AGAP3: variants seen among roughly 807,000 people sequenced by gnomAD.
The protein encoded by AGAP3 is arf-GAP with GTPase, ANK repeat and PH domain-containing protein 3.
A neutral mutation model predicts 96.9 loss-of-function variants in AGAP3; 24 were observed. The ratio of observed to expected loss-of-function variants is 0.25; its 90% CI spans 0.18 to 0.35. AGAP3 has a LOEUF of 0.35. Ranked by LOEUF, AGAP3 falls within the 10% of genes least tolerant of loss-of-function variation. The pLI is 1.00. For synonymous variants in AGAP3, 563 were observed against 536.1 expected, an observed-to-expected ratio of 1.05 and a Z score of -0.69; for missense variants, 876 against 1,254.2, an observed-to-expected ratio of 0.70 and a Z score of 4.55.
rs934197448 is a variant in AGAP3 at position 151,133,345 on chromosome 7, A to T, written c.1327-1055A>T. On this transcript the variant is annotated intron_variant, in intron 10 of 17. Coordinates refer to ENST00000397238, the MANE Select transcript of AGAP3 (RefSeq NM_031946.7). This position sits in a 1 kb window ranked among gnomAD's most constrained non-coding sequence, Gnocchi z 5.4. ...CAGTGTCTGATACTAAACACTTGTC[A>T]AACAGTTTAAAGGGAAGCCTCTGGA... is the stretch of plus-strand genomic sequence containing the variant. Among the ~76,000 whole-genome samples, 1 of 152,184 alleles carries T rather than the reference A, an allele frequency of 6.6e-6. No individual in the cohort carries two copies. The highest frequency in any genetic ancestry group is 1.5e-5 in the Non-Finnish European group (1 of 68,028).
At chr7:151,125,583 T>C (rs1264442809) in intron 9 of AGAP3, among the ~76,000 whole-genome samples, 2 of 152,240 alleles carry the variant, frequency 1.3e-5, no homozygotes, top group African/African-American at 2.4e-5. Context: ...CTTCCCGTTC[T>C]GTAACGATCG....
intron 1 of AGAP3, among the ~76,000 whole-genome samples, chr7:151,104,890 G>C (rs558177278): frequency 1.1e-4 from 17 of 152,312 alleles, no homozygotes; most frequent in Middle Eastern, 3.4e-3. Context: ...CATACTGTGA[G>C]ATGCTATGAA....
rs1422638642 is a variant in AGAP3, at chr7:151,143,249, G to A, written c.2274-92G>A. On this transcript the variant is annotated intron_variant, in intron 16 of 17. Coordinates refer to ENST00000397238, the MANE Select transcript of AGAP3 (RefSeq NM_031946.7). This position sits in a 1 kb window ranked among gnomAD's most constrained non-coding sequence, Gnocchi z 5.9. ...TCACTGTTTCTTCCTTGTTCCCCCG[G>A]GTGCTCGCTTCCTTTCCTGCCCACC... 12 of 1,449,586 alleles carry A rather than the reference G, an allele frequency of 8.3e-6. No individual in the cohort carries two copies. Among genetic ancestry groups the A allele is most frequent in the Admixed American group, 2.2e-5 (1 of 45,372 alleles). The allele number at this position is 1,449,586 out of a possible 1,614,324, so 89.8% of individuals were successfully genotyped here.
In AGAP3 at chr7:151,117,498, G is replaced by A; in HGVS notation, c.564+42G>A. The stretch of plus-strand genomic sequence containing the variant: ...GGGTTAGGGCCCACCGCTGTGCCTG[G>A]AGCCCTTTCTCGAGCTTGCTGGTTG... On this transcript the variant is annotated intron_variant, in intron 4 of 17. Coordinates refer to ENST00000397238, the MANE Select transcript of AGAP3 (RefSeq NM_031946.7). 3.1e-6 allele frequency: 5 copies of A among 1,613,830 alleles called. No individual in the cohort carries two copies. The East Asian group carries it at 8.9e-5, about 29-fold the overall frequency.
In AGAP3 at chr7:151,118,780, G is replaced by A; in HGVS notation, c.969+148G>A. 3.3e-6 allele frequency: 4 copies of A among 1,226,072 alleles called. No homozygotes were observed. The highest frequency in any genetic ancestry group is 3.5e-6 in the Non-Finnish European group (3 of 868,434). 75.9% of individuals were successfully genotyped at this position (1,226,072 alleles called of 1,614,324 possible). On this transcript the variant is annotated intron_variant, in intron 7 of 17. Coordinates refer to ENST00000397238, the MANE Select transcript of AGAP3 (RefSeq NM_031946.7). The surrounding 1 kb of genome is among the most constrained non-coding windows in gnomAD (Gnocchi z 6.1). ...TGCATGTTGCTTGGAAACATTGGTT[G>A]GAATTCCATTTAGCCGGCACCGTAG...
At chr7:151,137,232 T>A (rs1237781741) in intron 11 of AGAP3, among the ~76,000 whole-genome samples, 1 of 152,194 alleles carries the variant, frequency 6.6e-6, no homozygotes, top group Non-Finnish European at 1.5e-5. Flanking sequence ...GCTGGGCCTC[T>A]GCCTGCTGTC....
intron 1 of AGAP3, 93 bp downstream of exon 1, chr7:151,087,165 C>T (rs757490441): frequency 3.7e-6 from 5 of 1,360,984 alleles, no homozygotes; most frequent in African/African-American, 1.5e-5. Flanking sequence ...CATGCTCTCC[C>T]TGTCGGGGGT....
chr7:151,143,671 C>T lies in AGAP3; in HGVS notation c.2530-66C>T, dbSNP rs565014878. The T allele has an allele frequency of 1.9e-6, 3 of 1,607,834 alleles. No homozygotes were observed. The highest frequency in any genetic ancestry group is 1.3e-5 in the African/African-American group (1 of 74,930). ...TTCTTTGAAAGCAACCTCTTCTTTC[C>T]TCCCCTACAACCAATCTCTCTCCTC... On this transcript the variant is annotated intron_variant, in intron 17 of 17. Coordinates refer to ENST00000397238, the MANE Select transcript of AGAP3 (RefSeq NM_031946.7). The surrounding 1 kb of genome is among the most constrained non-coding windows in gnomAD (Gnocchi z 5.9).
At chr7:151,120,903 A>G (rs1297389049) in intron 8 of AGAP3, 1 of 1,050,056 alleles carries the variant, frequency 9.5e-7, no homozygotes, top group Non-Finnish European at 1.2e-6. Flanking sequence ...CACAGTGCCC[A>G]TCCAAACCCT....
At chr7:151,107,882 T>C (rs1404097393) in intron 1 of AGAP3, among the ~76,000 whole-genome samples, 1 of 152,238 alleles carries the variant, frequency 6.6e-6, no homozygotes, top group Non-Finnish European at 1.5e-5. Context: ...ATGCTTCATA[T>C]TCTGAGTCTG....
intron 10 of AGAP3, among the ~76,000 whole-genome samples, chr7:151,129,621 G>A (rs544927529): frequency 3.9e-4 from 59 of 152,186 alleles, no homozygotes; most frequent in Non-Finnish European, 7.5e-4. Context: ...ACAGGGCAGG[G>A]CCTGGTACCT....
chr7:151,129,011 G>C (rs887786476), intron 10 of AGAP3, among the ~76,000 whole-genome samples: 1 of 152,180 alleles, frequency 6.6e-6, no homozygotes, highest in African/African-American at 2.4e-5. Flanking sequence ...AGTGCCAGTG[G>C]GGAGCTGTGG....
Position 151,141,763 on chromosome 7 carries a change from G to A in AGAP3, c.1805-135G>A, listed in dbSNP as rs189735812. ...CCTGCAAGCTGTCCTGGAGTGTGTG[G>A]CCTTGCAGCTGGGGAAGGGTCTAGG... On this transcript the variant is annotated intron_variant, in intron 13 of 17. Transcript: ENST00000397238. The surrounding 1 kb of genome is among the most constrained non-coding windows in gnomAD (Gnocchi z 4.2). 1.0e-4 allele frequency: 112 copies of A among 1,100,832 alleles called. No homozygotes were observed. In the African/African-American group the frequency reaches 1.3e-3, roughly 13 times the overall value. The allele number at this position is 1,100,832 out of a possible 1,614,324, so 68.2% of individuals were successfully genotyped here.
At position 151,142,320 on chromosome 7, in the gene AGAP3, A is replaced by G. The variant is rs1246338585; in HGVS notation, c.2050+67A>G. On this transcript the variant is annotated intron_variant, in intron 15 of 17. Coordinates refer to ENST00000397238, the MANE Select transcript of AGAP3 (RefSeq NM_031946.7). This position sits in a 1 kb window ranked among gnomAD's most constrained non-coding sequence, Gnocchi z 7.5. Reference sequence around the variant, plus strand: ...AGGGAAAGCTTCGCAAGCATCAGGGAGCAGGGAAGAGGGCAGGGAAGCCTT... The same window carrying G: ...AGGGAAAGCTTCGCAAGCATCAGGGGGCAGGGAAGAGGGCAGGGAAGCCTT... The G allele has an allele frequency of 6.3e-7, 1 of 1,599,510 alleles. No homozygotes were observed. Among genetic ancestry groups the G allele is most frequent in the African/African-American group, 1.3e-5 (1 of 74,714 alleles).
chr7:151,089,203 T>C (rs1798284276), intron 1 of AGAP3, among the ~76,000 whole-genome samples: 1 of 152,180 alleles, frequency 6.6e-6, no homozygotes, highest in Admixed American at 6.5e-5. Flanking sequence ...CTGCCCTATA[T>C]CCTTCCTGCG....
intron 1 of AGAP3, among the ~76,000 whole-genome samples, chr7:151,109,382 G>A (rs1434625351): frequency 3.3e-5 from 5 of 152,118 alleles, no homozygotes; most frequent in African/African-American, 9.7e-5. Flanking sequence ...CAGTTGTGGA[G>A]GCCAGATGTC....
At chr7:151,091,092 C>T (rs1798379354) in intron 1 of AGAP3, among the ~76,000 whole-genome samples, 3 of 152,230 alleles carry the variant, frequency 2.0e-5, no homozygotes, top group Admixed American at 2.0e-4. Flanking sequence ...TGATGGTCCC[C>T]ATGTTTGTGC....
intron 10 of AGAP3, among the ~76,000 whole-genome samples, chr7:151,132,396 C>T (rs1432536090): frequency 6.6e-6 from 1 of 152,204 alleles, no homozygotes; most frequent in Non-Finnish European, 1.5e-5. Context: ...TACTGTCCCT[C>T]ACAGAGGACT....
intron 9 of AGAP3, among the ~76,000 whole-genome samples, chr7:151,124,615 C>T (rs1187446474): frequency 3.9e-5 from 6 of 152,130 alleles, no homozygotes; most frequent in Admixed American, 2.0e-4. Flanking sequence ...CATAGGCAGC[C>T]GTACTGCCAG....
Sources: allele counts gnomAD v4.1 joint callset (sites outside exome capture counted in the v4.1 genomes callset), GRCh38; gene constraint gnomAD v4.1.1; non-coding constraint Gnocchi (gnomAD v3.1); transcripts MANE v1.5; gene names NCBI Gene and HGNC (gene_info 2026-07-23, HGNC 2026-07-21).